MAD1L1: variants seen among roughly 807,000 people sequenced by gnomAD.
MAD1L1 encodes the protein mitotic spindle assembly checkpoint protein MAD1.
Under a neutral mutation model 96.9 loss-of-function variants are expected in MAD1L1, and 95 were observed. The observed-to-expected ratio is 0.98, with a 90% CI of 0.83 to 1.16. The LOEUF (loss-of-function observed/expected upper bound fraction) is 1.16, where lower values mean the gene tolerates loss of function less well. MAD1L1 is among the 50% of genes most tolerant of loss of function. The pLI, the probability that MAD1L1 is intolerant of heterozygous loss-of-function variation, is 0.00. For synonymous variants in MAD1L1, 473 were observed against 396.6 expected (o/e 1.19, Z -2.29); for missense variants, 1,007 against 954.4 (o/e 1.06, Z -0.73).
chr7:2,115,936 C>G (rs1787664981), intron 11 of MAD1L1, among the ~76,000 whole-genome samples: 2 of 152,218 alleles, frequency 1.3e-5, no homozygotes, highest in African/African-American at 4.8e-5. Context: ...GCCAGCACCC[C>G]ACCACCTAAA....
intron 11 of MAD1L1, among the ~76,000 whole-genome samples, chr7:2,111,770 G>A (rs1482255894): frequency 6.6e-6 from 1 of 152,298 alleles, no homozygotes; most frequent in East Asian, 1.9e-4. Context: ...GCAGGAGCAG[G>A]CCTGTGCGGA....
chr7:2,023,922 C>T (rs1782891042), intron 12 of MAD1L1, among the ~76,000 whole-genome samples: 1 of 151,716 alleles, frequency 6.6e-6, no homozygotes, highest in Non-Finnish European at 1.5e-5. Context: ...GCACTTCAGC[C>T]TGGGAGACAG....
chr7:1,913,163 C>A (rs35327420), intron 17 of MAD1L1, among the ~76,000 whole-genome samples: 44,905 of 152,040 alleles, frequency 0.3, 7,311 homozygotes, highest in Middle Eastern at 0.4. Context: ...ATGTAGGCAG[C>A]GAGGCCTCGG....
intron 18 of MAD1L1, chr7:1,816,964 C>G (rs1339459913): frequency 1.3e-5 from 2 of 152,432 alleles, no homozygotes; most frequent in Non-Finnish European, 2.9e-5. Context: ...CCTCTGAAAC[C>G]ACGTCCCTGA....
intron 18 of MAD1L1, among the ~76,000 whole-genome samples, chr7:1,828,521 C>T (rs1782544349): frequency 6.6e-6 from 1 of 152,240 alleles, no homozygotes; most frequent in South Asian, 2.1e-4. Context: ...AGCCTGCGAA[C>T]TAGGCGGCTC....
intron 18 of MAD1L1, among the ~76,000 whole-genome samples, chr7:1,891,669 T>A (rs974953766): frequency 3.3e-5 from 5 of 152,174 alleles, no homozygotes; most frequent in Non-Finnish European, 4.4e-5. Context: ...AGCCTCTAAC[T>A]CCTGGGGCTC....
intron 10 of MAD1L1, among the ~76,000 whole-genome samples, chr7:2,185,257 T>C (rs1791403497): frequency 6.6e-6 from 1 of 151,108 alleles, no homozygotes; most frequent in Non-Finnish European, 1.5e-5. Flanking sequence ...AATTTAAGAA[T>C]AAACACAGTA....
chr7:1,902,125 G>A (rs974531463), intron 17 of MAD1L1, among the ~76,000 whole-genome samples: 6 of 152,180 alleles, frequency 3.9e-5, no homozygotes, highest in South Asian at 2.1e-4. Flanking sequence ...AGGCATCCAC[G>A]ACACTGGTGC....
rs1784815862 is a variant in MAD1L1, at chr7:2,064,901, C to T, written c.1218+4293G>A. ...GCTTCTCCAGGGAGGACGGTGGCTGCTCATGGGAGGACAGAGGCTTCTTCC... is the reference window on the plus strand; with the variant it reads ...GCTTCTCCAGGGAGGACGGTGGCTGTTCATGGGAGGACAGAGGCTTCTTCC... On this transcript the variant is annotated intron_variant, in intron 12 of 18. Coordinates refer to ENST00000265854, the MANE Select transcript of MAD1L1 (RefSeq NM_001013836.2). Among the ~76,000 whole-genome samples, 3 of 152,224 alleles carry T rather than the reference C, an allele frequency of 2.0e-5. No individual in the cohort carries two copies. The South Asian group carries it at 6.2e-4, about 32-fold the overall frequency.
chr7:1,930,880 C>T (rs895612840), intron 17 of MAD1L1, among the ~76,000 whole-genome samples: 4 of 152,188 alleles, frequency 2.6e-5, no homozygotes, highest in Non-Finnish European at 4.4e-5. Flanking sequence ...CCAGGAGACC[C>T]ACCCCTAACC....
At chr7:2,172,073 T>C (rs1171627922) in intron 10 of MAD1L1, among the ~76,000 whole-genome samples, 1 of 152,118 alleles carries the variant, frequency 6.6e-6, no homozygotes, top group Non-Finnish European at 1.5e-5. Context: ...CTCCTGCCTG[T>C]ACTTCCTCAC....
intron 3 of MAD1L1, among the ~76,000 whole-genome samples, chr7:2,225,955 G>A (rs1793871776): frequency 6.6e-6 from 1 of 152,200 alleles, no homozygotes. Context: ...TGGAGAATGA[G>A]GTCTCCTTCC....
chr7:1,893,632 G>C (rs1037073174), intron 18 of MAD1L1, among the ~76,000 whole-genome samples: 1 of 152,078 alleles, frequency 6.6e-6, no homozygotes, highest in South Asian at 2.1e-4. Flanking sequence ...GCTCAGGGAA[G>C]ACCCTCCTGG....
At chr7:1,835,000 G>A (rs550618387) in intron 18 of MAD1L1, among the ~76,000 whole-genome samples, 25 of 152,132 alleles carry the variant, frequency 1.6e-4, no homozygotes, top group African/African-American at 5.5e-4. Context: ...ATACAAGGTT[G>A]GTTTAACCCT....
chr7:1,954,297 T>C (rs1779631183), intron 16 of MAD1L1, among the ~76,000 whole-genome samples: 1 of 152,150 alleles, frequency 6.6e-6, no homozygotes, highest in Non-Finnish European at 1.5e-5. Flanking sequence ...CTCCACATCC[T>C]TGGGAGCACA....
chr7:2,004,419 C>T (rs1018236132), intron 13 of MAD1L1, among the ~76,000 whole-genome samples: 5 of 152,264 alleles, frequency 3.3e-5, no homozygotes, highest in Non-Finnish European at 7.3e-5. Context: ...ACAGGTGAGG[C>T]ACATCGTCAT....
At chr7:2,079,616 G>T (rs1785536616) in intron 11 of MAD1L1, 2 of 470,696 alleles carry the variant, frequency 4.2e-6, no homozygotes, top group African/African-American at 2.0e-5. Flanking sequence ...ACCTTGAAAT[G>T]TGAGAAGGAA....
At chr7:2,105,801 C>T in intron 11 of MAD1L1, among the ~76,000 whole-genome samples, 1 of 152,074 alleles carries the variant, frequency 6.6e-6, no homozygotes, top group East Asian at 1.9e-4. Flanking sequence ...CCACCAGCTC[C>T]AGCTCTCTCC....
chr7:2,215,751 G>T, intron 9 of MAD1L1, 134 bp downstream of exon 9: 2 of 780,808 alleles, frequency 2.6e-6, no homozygotes, highest in Non-Finnish European at 4.4e-6. Context: ...TGGGGACCAC[G>T]ATTCTGCCTC....
Sources: allele counts gnomAD v4.1 joint callset (sites outside exome capture counted in the v4.1 genomes callset), GRCh38; gene constraint gnomAD v4.1.1; transcripts MANE v1.5; gene names NCBI Gene and HGNC (gene_info 2026-07-23, HGNC 2026-07-21).